The following SPG11 variants were observed in gnomAD, a reference collection of about 807,000 sequenced individuals.
SPG11 encodes the protein SPG11 vesicle trafficking associated, spatacsin.
A neutral mutation model predicts 274.0 loss-of-function variants in SPG11; 222 were observed. That is an observed-to-expected ratio of 0.81 (90% CI 0.73 to 0.91). SPG11 has a LOEUF of 0.91. SPG11 is among the 40% of genes least tolerant of loss of function. The probability of loss-of-function intolerance (pLI) is 0.00; values close to 1 mark genes in which losing one functional copy is unlikely to be tolerated. For synonymous variants in SPG11, 1,144 were observed against 1,039.7 expected (o/e 1.10, Z -1.93); for missense variants, 3,114 against 2,872.7 (o/e 1.08, Z -1.92).
chr15:44,610,179 A>G (rs1477395621), intron 18 of SPG11, among the ~76,000 whole-genome samples: 2 of 151,618 alleles, frequency 1.3e-5, no homozygotes, highest in Non-Finnish European at 2.9e-5. Flanking sequence ...CTGGGATTAC[A>G]GGTGTGAGCC....
intron 11 of SPG11, among the ~76,000 whole-genome samples, chr15:44,623,162 T>C (rs2083801975): frequency 6.6e-6 from 1 of 152,112 alleles, no homozygotes; most frequent in Non-Finnish European, 1.5e-5. Flanking sequence ...TTGCCCAGGC[T>C]GGTCTTGAAC....
chr15:44,640,112 A>G (rs1219646552), intron 7 of SPG11, among the ~76,000 whole-genome samples: 3 of 152,216 alleles, frequency 2.0e-5, no homozygotes, highest in African/African-American at 7.2e-5. Flanking sequence ...TGGGAGGCTG[A>G]GGCAGGAGAA....
At chr15:44,627,879 G>A (rs1266833868) in intron 10 of SPG11, among the ~76,000 whole-genome samples, 3 of 152,126 alleles carry the variant, frequency 2.0e-5, no homozygotes, top group African/African-American at 7.2e-5. Context: ...GTGAGCCACC[G>A]TACCCGGATA....
At chr15:44,625,620 G>C (rs2083876886) in intron 11 of SPG11, among the ~76,000 whole-genome samples, 1 of 152,104 alleles carries the variant, frequency 6.6e-6, no homozygotes. Flanking sequence ...CTGTGGAACT[G>C]TGAGCCAATT....
chr15:44,628,344 T>G (rs914988132), intron 10 of SPG11, among the ~76,000 whole-genome samples: 3 of 152,236 alleles, frequency 2.0e-5, no homozygotes, highest in Non-Finnish European at 2.9e-5. Context: ...AATGCATGTG[T>G]CCAAAGCACC....
chr15:44,600,298 T>TG, intron 21 of SPG11, 169 bp downstream of exon 21: 1 of 652,310 alleles, frequency 1.5e-6, no homozygotes, highest in Non-Finnish European at 2.7e-6. Context: ...TTACTTTTTT[T>TG]GTTTTAGTGG....
chr15:44,660,295 A>G, intron 2 of SPG11, 137 bp downstream of exon 2: 1 of 699,468 alleles, frequency 1.4e-6, no homozygotes, highest in East Asian at 2.6e-5. Flanking sequence ...CAAGTGCTCA[A>G]TAGCCCCATC....
chr15:44,592,548 G>A (rs912508929), intron 26 of SPG11, 110 bp from the exon 27 acceptor site: 6 of 740,160 alleles, frequency 8.1e-6, no homozygotes, highest in Non-Finnish European at 1.4e-5. Flanking sequence ...GCAGGGCACA[G>A]TGGCTCATGC....
Position 44,565,845 on chromosome 15 carries a change from C to G in SPG11, c.6999+9G>C. On this transcript the variant is annotated intron_variant, in intron 38 of 39. Transcript: ENST00000261866. ...AGCAGTGCTGGCTACAGTTTGCTTT[C>G]TTGCTCACCTGGTAGAACCGAGGTA... 6.2e-7 allele frequency: 1 copy of G among 1,614,032 alleles called. No individual in the cohort carries two copies.
intron 25 of SPG11, 152 bp from the exon 26 acceptor site, chr15:44,595,611 G>A: frequency 1.2e-6 from 1 of 855,500 alleles, no homozygotes; most frequent in Non-Finnish European, 1.9e-6. Context: ...AAACTAATGA[G>A]CAACCAAGGG....
In SPG11 at chr15:44,581,073, C is replaced by T. The variant is rs77673998; in HGVS notation, c.5866+2741G>A. 7.3e-3 allele frequency among the ~76,000 whole-genome samples: 1,107 copies of T among 152,050 alleles called. 14 individuals are homozygous for T. Among genetic ancestry groups the T allele is most frequent in the African/African-American group, 0.024 (996 of 41,456 alleles). ...AGACCAACAACAGAAAAAAAAACATCGAGAGCAACCAGAGAAATAGGCACT... is the reference window on the plus strand; with the variant it reads ...AGACCAACAACAGAAAAAAAAACATTGAGAGCAACCAGAGAAATAGGCACT... On this transcript the variant is annotated intron_variant, in intron 30 of 39. Coordinates refer to ENST00000261866, the MANE Select transcript of SPG11 (RefSeq NM_025137.4).
intron 10 of SPG11, among the ~76,000 whole-genome samples, chr15:44,628,187 G>GA (rs1283145879): frequency 1.3e-5 from 2 of 152,196 alleles, no homozygotes; most frequent in Non-Finnish European, 2.9e-5. Flanking sequence ...AAGGCAAACA[G>GA]ATGGAAACAA....
rs1302560163 is a variant in SPG11 at position 44,570,620 on chromosome 15, G to C, written c.6382C>G (p.Leu2128Val). ...LLILAHHCFT[L>V]TCHMEGIIRV... Reference sequence around the variant, plus strand: ...ATGATGCCCTCCATGTGGCACGTCAGGGTGAAGCAATGATGGGCCAGGATC... The same window carrying C: ...ATGATGCCCTCCATGTGGCACGTCACGGTGAAGCAATGATGGGCCAGGATC... The change falls in exon 34 of 40, where the codon CTG (leucine) becomes GTG (valine). Residue 2128 changes from leucine to valine, a missense_variant. Physicochemically the swap from Leu to Val is conservative, Grantham distance 32. Transcript: ENST00000261866. The C allele has an allele frequency of 1.2e-6, 2 of 1,614,126 alleles. No homozygotes were observed. Among genetic ancestry groups the C allele is most frequent in the Non-Finnish European group, 1.7e-6 (2 of 1,179,998 alleles).
chr15:44,630,771 G>A (rs191691208), intron 8 of SPG11, among the ~76,000 whole-genome samples: 8 of 152,074 alleles, frequency 5.3e-5, no homozygotes, highest in Admixed American at 3.9e-4. Flanking sequence ...GTAGAAATGG[G>A]GTTTCACCAC....
rs908048525 is a variant in SPG11, at chr15:44,604,931, C to CAAAAAAAAAAAAAA, written c.3520+1080_3520+1093dup. Among the ~76,000 whole-genome samples, 2 of 22,496 alleles carry CAAAAAAAAAAAAAA rather than the reference C, an allele frequency of 8.9e-5. 1 individual carries two copies. Among genetic ancestry groups the CAAAAAAAAAAAAAA allele is most frequent in the African/African-American group, 3.9e-4 (2 of 5,132 alleles). The allele number at this position is 22,496 out of a possible 152,430, so 14.8% of individuals were successfully genotyped here. On this transcript the variant is annotated intron_variant, in intron 20 of 39. Coordinates refer to ENST00000261866, the MANE Select transcript of SPG11 (RefSeq NM_025137.4). ...CCTGGGCGGAACAAGACTCCATCTC[C>CAAAAAAAAAAAAAA]AAAAAAAAAAAAAAAAAAAAAAAAA...
rs776154524 is a variant in SPG11, at chr15:44,598,745, A to C, written c.3778T>G (p.Leu1260Val). The C allele has an allele frequency of 6.2e-6, 10 of 1,614,210 alleles. No individual in the cohort carries two copies. Among genetic ancestry groups the C allele is most frequent in the Non-Finnish European group, 8.5e-6 (10 of 1,180,044 alleles). The change falls in exon 22 of 40, where the codon TTG (leucine) becomes GTG (valine). Residue 1260 changes from leucine to valine, a missense_variant. Transcript: ENST00000261866. ...IGAACVCFLE[L>V]LGLDSLKLRV... ...AGCTTGAGGCTGTCAAGGCCAAGCA[A>C]TTCTAAGAAACAAACACATGCAGCT...
intron 27 of SPG11, among the ~76,000 whole-genome samples, chr15:44,589,699 T>C (rs2082854341): frequency 6.6e-6 from 1 of 152,252 alleles, no homozygotes; most frequent in Non-Finnish European, 1.5e-5. Flanking sequence ...AAAGACTGAA[T>C]GCTAACTACA....
chr15:44,571,877 C>T (rs748797637), intron 33 of SPG11, among the ~76,000 whole-genome samples: 1 of 152,146 alleles, frequency 6.6e-6, no homozygotes, highest in Non-Finnish European at 1.5e-5. Context: ...TTGCAATCTC[C>T]AACTCCTGGG....
intron 4 of SPG11, 89 bp downstream of exon 4, chr15:44,657,006 G>GT (rs1226084579): frequency 3.5e-6 from 4 of 1,145,040 alleles, no homozygotes; most frequent in Middle Eastern, 2.0e-4. Flanking sequence ...AGAAACACTA[G>GT]TTAAAAAAAA....
Sources: allele counts gnomAD v4.1 joint callset (sites outside exome capture counted in the v4.1 genomes callset), GRCh38; gene constraint gnomAD v4.1.1; transcripts MANE v1.5; gene names NCBI Gene and HGNC (gene_info 2026-07-23, HGNC 2026-07-21).